The following TRIM5 variants were observed in gnomAD, a reference collection of about 807,000 sequenced individuals.
TRIM5 encodes tripartite motif containing 5, also known as tripartite motif-containing protein 5.
TRIM5 carries 31 observed loss-of-function variants against 35.6 expected under a neutral mutation model. That is an observed-to-expected ratio of 0.87 (90% CI 0.65 to 1.18). The LOEUF is 1.18. Ranked by LOEUF, TRIM5 falls within the 50% of genes most tolerant of loss-of-function variation. The pLI is 0.00. For missense variants in TRIM5, 609 were observed against 591.6 expected (o/e 1.03, Z -0.31); for synonymous variants, 243 against 215.6 (o/e 1.13, Z -1.11).
At chr11:5,623,453 C>T in the TRIM5 span, among the ~76,000 whole-genome samples, 4 of 151,676 alleles carry the variant, frequency 2.6e-5, no homozygotes, top group Admixed American at 6.6e-5. Flanking sequence ...CTGCAACCTC[C>T]GCCTCCCGGG....
At chr11:5,678,102 C>T (rs1231096845) in intron 4 of TRIM5, 102 bp downstream of exon 4, 17 of 999,428 alleles carry the variant, frequency 1.7e-5, no homozygotes, top group Non-Finnish European at 2.3e-5. Context: ...AGCGGTCCTG[C>T]AGAGAACATT....
chr11:5,632,409 G>C, the TRIM5 span: 1 of 1,614,046 alleles, frequency 6.2e-7, no homozygotes, highest in Non-Finnish European at 8.5e-7. Context: ...CAGAACCCTT[G>C]AGTCTAGACT....
the TRIM5 span, chr11:5,604,640 CTT>C: frequency 4.4e-5 from 70 of 1,608,366 alleles, no homozygotes; most frequent in South Asian, 6.3e-4. Flanking sequence ...GCAAGGGAGA[CTT>C]TTTCTGAAGA....
the TRIM5 span, among the ~76,000 whole-genome samples, chr11:5,631,142 C>G: frequency 6.6e-6 from 1 of 152,172 alleles, no homozygotes; most frequent in South Asian, 2.1e-4. Flanking sequence ...ACCCCTCCCC[C>G]AACGAATACA....
the TRIM5 span, chr11:5,603,144 C>A: frequency 6.6e-7 from 1 of 1,509,946 alleles, no homozygotes; most frequent in Non-Finnish European, 8.8e-7. Flanking sequence ...GCCCTTGTTA[C>A]CCCAGGTGTC....
downstream of TRIM5, chr11:5,663,125 AAAAC>A (rs71053290): frequency 0.19 from 96,969 of 511,846 alleles, 10,405 homozygotes; most frequent in African/African-American, 0.39. Flanking sequence ...ACCCTGTCTC[AAAAC>A]AAACAAACAA....
At chr11:5,596,543 T>TCCCCCCTTCCCCCTTCCCCTC in the TRIM5 span, 1 of 24,650 alleles carries the variant, frequency 4.1e-5, no homozygotes, top group African/African-American at 1.7e-4. Context: ...CCTTCCCCCT[T>TCCCCCCTTCCCCCTTCCCCTC]CCCCCTTCCC....
the TRIM5 span, chr11:5,608,244 C>T: frequency 1.4e-6 from 2 of 1,402,946 alleles, no homozygotes; most frequent in Non-Finnish European, 9.5e-7. Context: ...TTTTTCTCTA[C>T]TTTGTGGCCT....
chr11:5,661,519 T>C (rs1253156261), downstream of TRIM5, among the ~76,000 whole-genome samples: 2 of 152,142 alleles, frequency 1.3e-5, no homozygotes, highest in East Asian at 3.8e-4. Context: ...CACAACCTCT[T>C]TTCTCTGTGC....
the TRIM5 span, among the ~76,000 whole-genome samples, chr11:5,627,798 G>T: frequency 6.6e-6 from 1 of 152,196 alleles, no homozygotes; most frequent in African/African-American, 2.4e-5. Flanking sequence ...TTCTGACCAA[G>T]AATCCAGAAG....
At position 5,680,203 on chromosome 11, in the gene TRIM5, G is replaced by C. The variant is rs755012864; in HGVS notation, c.-26C>G. 2 of 1,555,496 alleles carry C rather than the reference G, an allele frequency of 1.3e-6. No homozygotes were observed. The highest frequency in any genetic ancestry group is 1.9e-5 in the Admixed American group (1 of 53,594). On this transcript the variant is annotated 5_prime_UTR_variant, in exon 2 of 8. Coordinates refer to ENST00000380034, the MANE Select transcript of TRIM5 (RefSeq NM_033034.3). ...AGTAGCTATTCCACTGCTCCTGCCT[G>C]TCCTGGCTGCTGAGGTTCCTCTTGT...
rs369398827 is a variant in TRIM5 at position 5,665,398 on chromosome 11, G to A, written c.896-3C>T. 3.0e-4 allele frequency: 479 copies of A among 1,597,394 alleles called. No homozygotes were observed. The highest frequency in any genetic ancestry group is 3.8e-4 in the Non-Finnish European group (449 of 1,172,720). On this transcript the variant is annotated splice_region_variant and splice_polypyrimidine_tract_variant and intron_variant, in intron 7 of 7. Transcript: ENST00000380034. ...GTTTGGAGCCACTGTCACATCAACT[G>A]TAGAAAAATTAACAGGTCAGCTAAG...
At chr11:5,604,240 C>T in the TRIM5 span, among the ~76,000 whole-genome samples, 1 of 152,104 alleles carries the variant, frequency 6.6e-6, no homozygotes, top group Admixed American at 6.6e-5. Context: ...TCTCAAACTC[C>T]TGAGCTCAGG....
Position 5,665,308 on chromosome 11 carries a change from A to AT in TRIM5, c.982dup (p.Ile328AsnfsTer55), listed in dbSNP as rs1461689319. On this transcript the variant is annotated frameshift_variant, in exon 8 of 8. Coordinates refer to ENST00000380034, the MANE Select transcript of TRIM5 (RefSeq NM_033034.3). LOFTEE classifies it low-confidence loss of function (END_TRUNC). ...GTATCTTGTCCCTCGTGCCCCATAT[A>AT]TTATCTGTGGTTTCGGAGAGCTCAC... is the stretch of plus-strand genomic sequence containing the variant. The AT allele has an allele frequency of 1.9e-6, 3 of 1,614,116 alleles. No homozygotes were observed. Among genetic ancestry groups the AT allele is most frequent in the Middle Eastern group, 3.3e-4 (2 of 6,062 alleles).
chr11:5,615,189 G>A, the TRIM5 span, among the ~76,000 whole-genome samples: 24 of 152,238 alleles, frequency 1.6e-4, no homozygotes, highest in African/African-American at 5.8e-4. Context: ...TTACGGTAAA[G>A]GATATGATCT....
At chr11:5,616,767 C>CT in the TRIM5 span, among the ~76,000 whole-genome samples, 11 of 137,564 alleles carry the variant, frequency 8.0e-5, 1 homozygote, top group Admixed American at 8.1e-4. Flanking sequence ...GAGATGGAGT[C>CT]TCCCTCCTGT....
chr11:5,665,174 G>T lies in TRIM5; in HGVS notation c.1117C>A (p.Leu373Met). 1.2e-6 allele frequency: 2 copies of T among 1,614,004 alleles called. No homozygotes were observed. The highest frequency in any genetic ancestry group is 1.7e-6 in the Non-Finnish European group (2 of 1,179,978). ...VDVSKKTAWI[L>M]GVCAGFQPDA... ...GGTTGGAAGCCAGCACATACCCCCA[G>T]GATCCAAGCAGTTTTCTTGGACACG... is the stretch of plus-strand genomic sequence containing the variant. The change falls in exon 8 of 8, where the codon CTG becomes ATG. Residue 373 changes from leucine (L) to methionine (M), a missense_variant. Leu to Met is a conservative substitution (Grantham distance 15, BLOSUM62 2). Transcript: ENST00000380034.
chr11:5,650,682 T>G, the TRIM5 span, among the ~76,000 whole-genome samples: 1 of 152,196 alleles, frequency 6.6e-6, no homozygotes, highest in Non-Finnish European at 1.5e-5. Flanking sequence ...CCGTTTTTTG[T>G]TGGAGCGCTA....
intron 5 of TRIM5, chr11:5,666,294 C>T: frequency 1.6e-6 from 1 of 634,690 alleles, no homozygotes; most frequent in Non-Finnish European, 2.9e-6. Flanking sequence ...GTGGGAAGAT[C>T]TTAACCTCTC....
Sources: gnomAD v4.1 joint callset for allele counts (sites outside exome capture counted in the v4.1 genomes callset) on GRCh38, gnomAD v4.1.1 for gene constraint, MANE v1.5 for transcripts, NCBI Gene and HGNC (gene_info 2026-07-23, HGNC 2026-07-21) for gene names.